Variants in THEM4 observed in about 807,000 individuals in gnomAD.
The protein encoded by THEM4 is thioesterase superfamily member 4.
A neutral mutation model predicts 25.0 loss-of-function variants in THEM4; 22 were observed. The observed-to-expected ratio is 0.88, with a 90% CI of 0.63 to 1.26. THEM4 has a LOEUF of 1.26. Ranked by LOEUF, THEM4 falls within the 50% of genes most tolerant of loss-of-function variation. THEM4 has a pLI of 0.00. For missense variants in THEM4, 286 were observed against 300.3 expected, an observed-to-expected ratio of 0.95 and a Z score of 0.35; for synonymous variants, 113 against 105.6, an observed-to-expected ratio of 1.07 and a Z score of -0.43.
chr1:151,905,136 G>A (rs910137878), intron 1 of THEM4, among the ~76,000 whole-genome samples: 1 of 152,148 alleles, frequency 6.6e-6, no homozygotes, highest in African/African-American at 2.4e-5. Flanking sequence ...AGACAGCGAA[G>A]TAAAAAGAGC....
intron 4 of THEM4, among the ~76,000 whole-genome samples, chr1:151,881,858 G>T (rs961898012): frequency 6.6e-6 from 1 of 151,930 alleles, no homozygotes; most frequent in African/African-American, 2.4e-5. Context: ...ATTTTCTTTA[G>T]CTCTTGAATA....
Position 151,900,863 on chromosome 1 carries a change from C to T in THEM4, c.100-5669G>A, listed in dbSNP as rs188517198. 2.8e-3 allele frequency among the ~76,000 whole-genome samples: 425 copies of T among 152,340 alleles called. 5 individuals are homozygous for T. The highest frequency in any genetic ancestry group is 0.013 in the Admixed American group (193 of 15,304). ...ACATATTCGTGATGGCCATGATGCC[C>T]ATGCTGAAGGTTGTGGGTTTACCGG... On this transcript the variant is annotated intron_variant, in intron 1 of 5. Transcript: ENST00000368814.
In THEM4 at chr1:151,882,474, C is replaced by T. The variant is rs1214088361; in HGVS notation, c.558-5349G>A. Among the ~76,000 whole-genome samples, 3 of 151,638 alleles carry T rather than the reference C, an allele frequency of 2.0e-5. No homozygotes were observed. The East Asian group carries it at 5.8e-4, about 29-fold the overall frequency. On this transcript the variant is annotated intron_variant, in intron 4 of 5. Coordinates refer to ENST00000368814, the MANE Select transcript of THEM4 (RefSeq NM_053055.5). Reference sequence around the variant, plus strand: ...ATCTCTTTAAGAAAAGTATTATTGTCTTTGGTTAATGGATGAGGAAACTGA... The same window carrying T: ...ATCTCTTTAAGAAAAGTATTATTGTTTTTGGTTAATGGATGAGGAAACTGA...
chr1:151,909,430 C>A lies in THEM4; in HGVS notation c.29G>T (p.Arg10Leu). ...CGGCAGGCACAGAGCCCCCAGCGTGCGGAGGCGCGCGGCGCAGCTCCTCAG... is the reference window on the plus strand; with the variant it reads ...CGGCAGGCACAGAGCCCCCAGCGTGAGGAGGCGCGCGGCGCAGCTCCTCAG... Reference protein sequence around the residue: MLRSCAARLRTLGALCLPPV... With the variant: MLRSCAARLLTLGALCLPPV... Residue 10 changes from arginine (R) to leucine (L), a missense_variant, in exon 1 of 6, where the codon CGC becomes CTC. Physicochemically the swap from Arg to Leu is moderately radical, Grantham distance 102 (BLOSUM62 -2). Transcript: ENST00000368814. The A allele has an allele frequency of 1.4e-6, 2 of 1,465,836 alleles. No individual in the cohort carries two copies. The highest frequency in any genetic ancestry group is 9.0e-7 in the Non-Finnish European group (1 of 1,117,056). 90.8% of individuals were successfully genotyped at this position (1,465,836 alleles called of 1,614,324 possible).
chr1:151,905,446 G>C (rs1265600615), intron 1 of THEM4, among the ~76,000 whole-genome samples: 1 of 151,688 alleles, frequency 6.6e-6, no homozygotes, highest in Non-Finnish European at 1.5e-5. Flanking sequence ...CACCCTAACT[G>C]TGTTTGGCGC....
Position 151,877,073 on chromosome 1 carries a change from C to T in THEM4, c.610G>A (p.Glu204Lys). The T allele has an allele frequency of 1.9e-6, 3 of 1,613,740 alleles. No homozygotes were observed. Among genetic ancestry groups the T allele is most frequent in the Non-Finnish European group, 2.5e-6 (3 of 1,179,810 alleles). Reference sequence around the variant, plus strand: ...CAGGAAACAAAAAATTTCCTTCCTTCAACTTTATCAAGTTGGCTATTTATC... The same window carrying T: ...CAGGAAACAAAAAATTTCCTTCCTTTAACTTTATCAAGTTGGCTATTTATC... ...VMINSQLDKV[E>K]GRKFFVSCNV... Residue 204 changes from glutamate (E) to lysine (K), a missense_variant, in exon 5 of 6, where the codon GAA becomes AAA. Transcript: ENST00000368814.
chr1:151,880,687 T>C (rs1386951738), intron 4 of THEM4, among the ~76,000 whole-genome samples: 3 of 152,238 alleles, frequency 2.0e-5, no homozygotes, highest in Non-Finnish European at 4.4e-5. Flanking sequence ...CAGTTCATTA[T>C]TTTTTCTGAT....
intron 1 of THEM4, among the ~76,000 whole-genome samples, chr1:151,902,841 A>G (rs907100363): frequency 1.3e-4 from 20 of 151,988 alleles, no homozygotes; most frequent in African/African-American, 3.6e-4. Flanking sequence ...TACAAAAATT[A>G]GCCATGCGAG....
At chr1:151,906,908 TC>T (rs1277548710) in intron 1 of THEM4, among the ~76,000 whole-genome samples, 1 of 152,068 alleles carries the variant, frequency 6.6e-6, no homozygotes, top group Non-Finnish European at 1.5e-5. Context: ...GCTCTACCAA[TC>T]AGCAGGATGT....
chr1:151,891,641 GA>G (rs1654094884), intron 2 of THEM4, among the ~76,000 whole-genome samples: 1 of 152,212 alleles, frequency 6.6e-6, no homozygotes, highest in Non-Finnish European at 1.5e-5. Context: ...GCTGTCATCA[GA>G]AAACAGGATG....
At chr1:151,884,114 G>T (rs111341069) in intron 4 of THEM4, among the ~76,000 whole-genome samples, 288 of 134,352 alleles carry the variant, frequency 2.1e-3, no homozygotes, top group African/African-American at 7.0e-3. Flanking sequence ...AATAAATAAA[G>T]GAAGGAAGGA....
chr1:151,875,963 A>T (rs1653662641), intron 5 of THEM4, among the ~76,000 whole-genome samples: 1 of 152,214 alleles, frequency 6.6e-6, no homozygotes, highest in African/African-American at 2.4e-5. Context: ...CATGAACAAG[A>T]ATGTTTATAG....
intron 4 of THEM4, among the ~76,000 whole-genome samples, chr1:151,885,243 C>A (rs1302799148): frequency 2.0e-5 from 3 of 152,108 alleles, no homozygotes; most frequent in Non-Finnish European, 2.9e-5. Flanking sequence ...CTCAGCCCCC[C>A]AAATAGCTGG....
At chr1:151,908,480 C>CT (rs756471894) in intron 1 of THEM4, among the ~76,000 whole-genome samples, 1 of 152,180 alleles carries the variant, frequency 6.6e-6, no homozygotes. Flanking sequence ...GTCGATTCCC[C>CT]TGCCCTCCAC....
rs959412987 is a variant in THEM4 at position 151,906,258 on chromosome 1, C to T, written c.99+3102G>A. 2.6e-5 allele frequency among the ~76,000 whole-genome samples: 4 copies of T among 152,374 alleles called. 1 individual carries two copies. Among genetic ancestry groups the T allele is most frequent in the Non-Finnish European group, 1.5e-5 (1 of 68,034 alleles). ...GCCAGCCGGCCCTGCCGGCCCCACG[C>T]AATGAGGGGCTTAGCACCCGGGCCA... is the stretch of plus-strand genomic sequence containing the variant. On this transcript the variant is annotated intron_variant, in intron 1 of 5. Transcript: ENST00000368814.
intron 1 of THEM4, among the ~76,000 whole-genome samples, chr1:151,897,389 A>G (rs2101728063): frequency 6.6e-6 from 1 of 152,290 alleles, no homozygotes; most frequent in African/African-American, 2.4e-5. Context: ...CAAAAACTCT[A>G]TGGAAGAAGA....
chr1:151,909,381 T>C lies in THEM4; in HGVS notation c.78A>G (p.Gly26=), dbSNP rs1428025380. The change falls in exon 1 of 6, where the codon GGA becomes GGG. Residue 26 remains glycine, a synonymous_variant. Coordinates refer to ENST00000368814, the MANE Select transcript of THEM4 (RefSeq NM_053055.5). ...TCACCAGCTCGGGTCGCGGCTCGCT[T>C]CCCGGCAGGCGCCGGCCTACTGGCG... is the stretch of plus-strand genomic sequence containing the variant. The part of the protein sequence containing the change: ...CLPPVGRRLP[G]SEPRPELRSF... 6.6e-7 allele frequency: 1 copy of C among 1,506,936 alleles called. No individual in the cohort carries two copies. The highest frequency in any genetic ancestry group is 1.2e-5 in the South Asian group (1 of 81,836). 93.3% of individuals were successfully genotyped at this position (1,506,936 alleles called of 1,614,324 possible). A position where few individuals can be genotyped will look rare whatever the true frequency, so the allele number is the denominator to read the frequency against.
chr1:151,871,368 G>T lies in THEM4; in HGVS notation c.*3520C>A, dbSNP rs1274433122. 1.3e-5 allele frequency among the ~76,000 whole-genome samples: 2 copies of T among 150,406 alleles called. No homozygotes were observed. The highest frequency in any genetic ancestry group is 3.9e-4 in the East Asian group (2 of 5,156). Reference sequence around the variant, plus strand: ...AGAAAAAGAAAAAAGAAAGGAAAAAGAAGGAAACAGGAAATGAGGAATAGT... The same window carrying T: ...AGAAAAAGAAAAAAGAAAGGAAAAATAAGGAAACAGGAAATGAGGAATAGT... On this transcript the variant is annotated 3_prime_UTR_variant, in exon 6 of 6. Transcript: ENST00000368814.
intron 1 of THEM4, among the ~76,000 whole-genome samples, chr1:151,900,916 C>T (rs1380278565): frequency 6.6e-6 from 1 of 152,222 alleles, no homozygotes; most frequent in Non-Finnish European, 1.5e-5. Flanking sequence ...CCTGGCCCAA[C>T]CAGGGCAGAA....
Sources: gnomAD v4.1 joint callset for allele counts (sites outside exome capture counted in the v4.1 genomes callset) on GRCh38, gnomAD v4.1.1 for gene constraint, MANE v1.5 for transcripts, NCBI Gene and HGNC (gene_info 2026-07-23, HGNC 2026-07-21) for gene names.